Variants in SAMD5 observed in about 807,000 individuals in gnomAD.
SAMD5 encodes the protein sterile alpha motif domain-containing protein 5.
SAMD5 carries 13 observed loss-of-function variants against 11.3 expected under a neutral mutation model. The ratio of observed to expected loss-of-function variants is 1.15; its 90% CI spans 0.75 to 1.83. The LOEUF is 1.83. Among genes scored for constraint, SAMD5 ranks in the 40% most tolerant of loss-of-function variants. The pLI, the probability that SAMD5 is intolerant of heterozygous loss-of-function variation, is 0.00. For missense variants in SAMD5, 255 were observed against 239.1 expected (o/e 1.07, Z -0.44); for synonymous variants, 129 against 111.3 (o/e 1.16, Z -1.00).
At chr6:147,852,683 G>A in the SAMD5 span, among the ~76,000 whole-genome samples, 1 of 152,156 alleles carries the variant, frequency 6.6e-6, no homozygotes, top group Non-Finnish European at 1.5e-5. Context: ...ATCTCCCAGT[G>A]ATTTTATCAG....
chr6:147,539,076 T>A (rs947593145), intron 1 of SAMD5, among the ~76,000 whole-genome samples: 1 of 152,184 alleles, frequency 6.6e-6, no homozygotes, highest in Non-Finnish European at 1.5e-5. Context: ...TAGGAAAGCA[T>A]GCATTTCTAG....
chr6:147,855,790 C>T, the SAMD5 span, among the ~76,000 whole-genome samples: 5 of 152,144 alleles, frequency 3.3e-5, 1 homozygote, highest in Admixed American at 3.3e-4. Flanking sequence ...TAAATTCTGC[C>T]TATAAAAAAC....
At chr6:147,895,079 C>T in the SAMD5 span, among the ~76,000 whole-genome samples, 1 of 152,300 alleles carries the variant, frequency 6.6e-6, no homozygotes, top group East Asian at 1.9e-4. Context: ...CTAACTCTAA[C>T]ATCAAGATAT....
chr6:147,899,170 C>CAAAAAAAAA, the SAMD5 span, among the ~76,000 whole-genome samples: 27 of 62,608 alleles, frequency 4.3e-4, no homozygotes, highest in African/African-American at 1.6e-3. Flanking sequence ...GACTCTGTCT[C>CAAAAAAAAA]AAAAAAAAAA....
chr6:147,900,241 T>C, the SAMD5 span, among the ~76,000 whole-genome samples: 1 of 152,164 alleles, frequency 6.6e-6, no homozygotes, highest in African/African-American at 2.4e-5. Flanking sequence ...GGGGGAAAGC[T>C]GTGACACGTC....
the SAMD5 span, among the ~76,000 whole-genome samples, chr6:147,937,806 A>G: frequency 1.3e-5 from 2 of 152,226 alleles, no homozygotes; most frequent in Non-Finnish European, 2.9e-5. Context: ...AATGTCATAT[A>G]TCTTTTTTTT....
intron 1 of SAMD5, among the ~76,000 whole-genome samples, chr6:147,612,579 A>G (rs936117177): frequency 6.6e-6 from 1 of 152,078 alleles, no homozygotes; most frequent in South Asian, 2.1e-4. Flanking sequence ...TTTTTCTACC[A>G]TCTCATATTG....
chr6:147,920,042 C>T, the SAMD5 span, among the ~76,000 whole-genome samples: 1 of 152,106 alleles, frequency 6.6e-6, no homozygotes, highest in Non-Finnish European at 1.5e-5. Flanking sequence ...ATCATTTTAG[C>T]CAAACTGTTT....
At chr6:147,548,195 G>A (rs1009832880) in intron 1 of SAMD5, among the ~76,000 whole-genome samples, 2 of 152,166 alleles carry the variant, frequency 1.3e-5, no homozygotes, top group Non-Finnish European at 2.9e-5. Context: ...GCCATTCAGA[G>A]ATCTTAATAG....
the SAMD5 span, among the ~76,000 whole-genome samples, chr6:147,752,706 A>G: frequency 8.1e-3 from 1,236 of 152,208 alleles, 15 homozygotes; most frequent in African/African-American, 0.029. Context: ...CATATTCTGG[A>G]ACTGAGGATG....
At position 147,732,844 on chromosome 6, in the gene SAMD5, GT is replaced by G. The variant is rs538534707; in HGVS notation, c.163-4469del. The stretch of plus-strand genomic sequence containing the variant: ...ATAAGCACCTGTTGTTAGAAGCAGT[GT>G]TTTAAATCAGACACAGAGAAAAAAT... On this transcript the variant is annotated intron_variant, in intron 1 of 1. Transcript: ENST00000566741. 2.2e-3 allele frequency among the ~76,000 whole-genome samples: 334 copies of G among 152,282 alleles called. 1 individual carries two copies. The highest frequency in any genetic ancestry group is 7.7e-3 in the African/African-American group (320 of 41,562).
At chr6:147,533,899 A>G (rs1369012375) in intron 1 of SAMD5, among the ~76,000 whole-genome samples, 1 of 152,216 alleles carries the variant, frequency 6.6e-6, no homozygotes, top group African/African-American at 2.4e-5. Context: ...TTCAGAATCT[A>G]CTGATTTAAA....
At chr6:147,552,767 A>T (rs1421639819) in intron 1 of SAMD5, among the ~76,000 whole-genome samples, 1 of 152,234 alleles carries the variant, frequency 6.6e-6, no homozygotes. Flanking sequence ...AAACAATTAA[A>T]GAGGTCTTTA....
chr6:147,916,802 C>T, the SAMD5 span, among the ~76,000 whole-genome samples: 8 of 146,276 alleles, frequency 5.5e-5, no homozygotes, highest in South Asian at 2.2e-4. Flanking sequence ...TGAGAATATA[C>T]GGTGTTTGGT....
chr6:147,914,254 G>A, the SAMD5 span, among the ~76,000 whole-genome samples: 1 of 151,490 alleles, frequency 6.6e-6, no homozygotes, highest in African/African-American at 2.4e-5. Context: ...TGTGGCCCAG[G>A]GAAGCCAAAA....
intron 1 of SAMD5, among the ~76,000 whole-genome samples, chr6:147,712,808 T>TAA (rs577741223): frequency 2.4e-4 from 30 of 123,880 alleles, no homozygotes; most frequent in African/African-American, 9.2e-4. Context: ...TCTGGAACTA[T>TAA]AAAAAAAAAA....
the SAMD5 span, among the ~76,000 whole-genome samples, chr6:147,877,913 AGCTAGCTAGC>A: frequency 2.4e-3 from 232 of 97,000 alleles, 5 homozygotes; most frequent in Admixed American, 4.3e-3. Context: ...ATAGATAGCT[AGCTAGCTAGC>A]TAGATAGATA....
intron 1 of SAMD5, among the ~76,000 whole-genome samples, chr6:147,579,514 A>AAAG (rs1274256962): frequency 3.6e-5 from 5 of 138,378 alleles, no homozygotes; most frequent in African/African-American, 5.6e-5. Flanking sequence ...AGTGCAGGCT[A>AAAG]AAGTGCAGCA....
At chr6:147,654,860 G>T (rs1311912068) in intron 1 of SAMD5, among the ~76,000 whole-genome samples, 1 of 151,860 alleles carries the variant, frequency 6.6e-6, no homozygotes, top group East Asian at 1.9e-4. Context: ...TTGTCAGTTT[G>T]CCCTCCATCC....
Sources: allele counts gnomAD v4.1 joint callset (sites outside exome capture counted in the v4.1 genomes callset), GRCh38; gene constraint gnomAD v4.1.1; transcripts MANE v1.5; gene names NCBI Gene and HGNC (gene_info 2026-07-23, HGNC 2026-07-21).